MDGA2: variants seen among roughly 807,000 people sequenced by gnomAD.
MDGA2 encodes MAM domain containing glycosylphosphatidylinositol anchor 2, also known as MAM domain-containing glycosylphosphatidylinositol anchor protein 2.
In MDGA2, 40 loss-of-function variants were observed where a neutral mutation model predicts 117.8. That is an observed-to-expected ratio of 0.34 (90% CI 0.26 to 0.44). The LOEUF (loss-of-function observed/expected upper bound fraction) is 0.44. Among genes scored for constraint, MDGA2 ranks in the 20% least tolerant of loss-of-function variants. The pLI, the probability that MDGA2 is intolerant of heterozygous loss-of-function variation, is 1.00. For synonymous variants in MDGA2, 452 were observed against 439.0 expected (o/e 1.03, Z -0.37); for missense variants, 1,123 against 1,250.6 (o/e 0.90, Z 1.54).
intron 3 of MDGA2, among the ~76,000 whole-genome samples, chr14:47,168,628 C>T (rs1013024285): frequency 5.3e-5 from 8 of 152,112 alleles, no homozygotes; most frequent in East Asian, 1.9e-4. Flanking sequence ...TTACATGGCA[C>T]GTACTGAGTT....
intron 1 of MDGA2, among the ~76,000 whole-genome samples, chr14:47,453,929 C>A (rs542995002): frequency 2.8e-4 from 42 of 152,282 alleles, no homozygotes; most frequent in African/African-American, 9.9e-4. Flanking sequence ...GAAGGGGTAT[C>A]TTTGCTCCTG....
chr14:47,395,483 T>C (rs1322638307), intron 1 of MDGA2, among the ~76,000 whole-genome samples: 2 of 152,164 alleles, frequency 1.3e-5, no homozygotes, highest in African/African-American at 4.8e-5. Flanking sequence ...GTGCCAAACA[T>C]AACATTAAAC....
chr14:47,318,996 C>T lies in MDGA2; in HGVS notation c.281-17446G>A, dbSNP rs914391989. ...TCTCTTATGGTAAGATAAGTTATGT[C>T]ATACTTTCCTTTAACCTGAGGAGTA... is the stretch of plus-strand genomic sequence containing the variant. On this transcript the variant is annotated intron_variant, in intron 1 of 16. Coordinates refer to ENST00000399232, the MANE Select transcript of MDGA2 (RefSeq NM_001113498.3). 2.0e-5 allele frequency among the ~76,000 whole-genome samples: 3 copies of T among 152,142 alleles called. No homozygotes were observed. In the South Asian group the frequency reaches 6.2e-4, roughly 32 times the overall value.
intron 5 of MDGA2, among the ~76,000 whole-genome samples, chr14:47,113,189 C>T (rs1012769100): frequency 4.6e-5 from 7 of 152,096 alleles, no homozygotes; most frequent in Non-Finnish European, 1.0e-4. Context: ...ATAAACACCT[C>T]CATTCAAACA....
intron 1 of MDGA2, among the ~76,000 whole-genome samples, chr14:47,390,902 T>C (rs1891879018): frequency 6.6e-6 from 1 of 152,152 alleles, no homozygotes. Flanking sequence ...TTTCCTACCA[T>C]AGAATGGACC....
chr14:47,292,184 T>C (rs1888913951), intron 2 of MDGA2, among the ~76,000 whole-genome samples: 1 of 152,218 alleles, frequency 6.6e-6, no homozygotes, highest in African/African-American at 2.4e-5. Flanking sequence ...ATGGAGACTA[T>C]GACTCCTTCA....
chr14:47,150,649 C>T (rs1469294907), intron 3 of MDGA2, among the ~76,000 whole-genome samples: 1 of 152,050 alleles, frequency 6.6e-6, no homozygotes, highest in Non-Finnish European at 1.5e-5. Context: ...GTTGGCTGGG[C>T]GTGGTGGCTC....
chr14:47,164,236 C>A (rs1383630085), intron 3 of MDGA2, among the ~76,000 whole-genome samples: 2 of 152,184 alleles, frequency 1.3e-5, no homozygotes, highest in African/African-American at 2.4e-5. Context: ...ATGTGACAGG[C>A]TATTTCTTAT....
intron 6 of MDGA2, among the ~76,000 whole-genome samples, chr14:47,088,866 T>A (rs940307665): frequency 1.3e-5 from 2 of 152,190 alleles, no homozygotes; most frequent in Non-Finnish European, 2.9e-5. Flanking sequence ...CCAGTGACAG[T>A]CAGTTCTATC....
At chr14:46,853,804 T>C (rs1594995541) in intron 15 of MDGA2, among the ~76,000 whole-genome samples, 1 of 151,950 alleles carries the variant, frequency 6.6e-6, no homozygotes, top group East Asian at 1.9e-4. Context: ...AATTGCTTTT[T>C]AATGACAATA....
At chr14:47,663,403 T>C (rs373107229) in intron 1 of MDGA2, among the ~76,000 whole-genome samples, 3 of 152,212 alleles carry the variant, frequency 2.0e-5, no homozygotes, top group African/African-American at 7.2e-5. Context: ...TTGACTAATA[T>C]TGAGTTAATA....
chr14:47,452,150 T>C (rs1594863751), intron 1 of MDGA2, among the ~76,000 whole-genome samples: 1 of 152,022 alleles, frequency 6.6e-6, no homozygotes, highest in East Asian at 1.9e-4. Flanking sequence ...ATCACACATG[T>C]ATAGGCAGGT....
chr14:47,232,003 A>G (rs1886709062), intron 2 of MDGA2, among the ~76,000 whole-genome samples: 1 of 152,096 alleles, frequency 6.6e-6, no homozygotes, highest in East Asian at 1.9e-4. Context: ...TGATTGCCCC[A>G]TATGACCACA....
chr14:47,443,381 G>A (rs1252393106), intron 1 of MDGA2, among the ~76,000 whole-genome samples: 2 of 152,042 alleles, frequency 1.3e-5, no homozygotes, highest in African/African-American at 4.8e-5. Context: ...GTATTCACTG[G>A]GGATGATGGA....
chr14:46,890,976 AGTAAGTTCT>A (rs1200691657), intron 10 of MDGA2, among the ~76,000 whole-genome samples: 3 of 152,154 alleles, frequency 2.0e-5, no homozygotes, highest in East Asian at 1.9e-4. Context: ...TTTGGAAAAA[AGTAAGTTCT>A]TTAGTAACTT....
intron 15 of MDGA2, among the ~76,000 whole-genome samples, chr14:46,849,842 CA>C (rs1880990152): frequency 6.6e-6 from 1 of 151,516 alleles, no homozygotes; most frequent in South Asian, 2.1e-4. Flanking sequence ...GAGATAAAAC[CA>C]TTTTCGTTTC....
chr14:47,291,419 G>A (rs2139774826), intron 2 of MDGA2, among the ~76,000 whole-genome samples: 1 of 152,212 alleles, frequency 6.6e-6, no homozygotes, highest in South Asian at 2.1e-4. Flanking sequence ...ATGCCATGAT[G>A]TAATCAATGC....
chr14:47,110,748 A>G (rs1880992746), intron 5 of MDGA2, among the ~76,000 whole-genome samples: 1 of 152,212 alleles, frequency 6.6e-6, no homozygotes, highest in Admixed American at 6.5e-5. Flanking sequence ...AGGATTGCTT[A>G]GAGCAAGTTT....
chr14:47,140,720 A>C (rs1433140426), intron 4 of MDGA2, among the ~76,000 whole-genome samples: 1 of 152,144 alleles, frequency 6.6e-6, no homozygotes, highest in Non-Finnish European at 1.5e-5. Context: ...ACCTGAGATA[A>C]CACAACTACT....
Sources: gnomAD v4.1 joint callset for allele counts (sites outside exome capture counted in the v4.1 genomes callset) on GRCh38, gnomAD v4.1.1 for gene constraint, MANE v1.5 for transcripts, NCBI Gene and HGNC (gene_info 2026-07-23, HGNC 2026-07-21) for gene names.